The following TENM3 variants were observed in gnomAD, a reference collection of about 807,000 sequenced individuals.
The protein encoded by TENM3 is teneurin-3.
TENM3 carries 63 observed loss-of-function variants against 255.1 expected under a neutral mutation model. That is an observed-to-expected ratio of 0.25 (90% confidence interval 0.20 to 0.30). The LOEUF is 0.30. Ranked by LOEUF, TENM3 falls within the 10% of genes least tolerant of loss-of-function variation. The pLI is 1.00. For synonymous variants in TENM3, 1,306 were observed against 1,322.3 expected (o/e 0.99, Z 0.27); for missense variants, 2,929 against 3,461.1 (o/e 0.85, Z 3.86).
the TENM3 span, among the ~76,000 whole-genome samples, chr4:182,095,579 A>G: frequency 6.6e-6 from 1 of 152,198 alleles, no homozygotes; most frequent in Non-Finnish European, 1.5e-5. Flanking sequence ...GGACTGATCA[A>G]TGGATACGGA....
At chr4:181,547,583 C>T in the TENM3 span, among the ~76,000 whole-genome samples, 1 of 151,884 alleles carries the variant, frequency 6.6e-6, no homozygotes, top group Non-Finnish European at 1.5e-5. Flanking sequence ...TTTCTGAACA[C>T]CAGGAGTAAA....
At chr4:181,843,010 C>T in the TENM3 span, among the ~76,000 whole-genome samples, 3 of 152,168 alleles carry the variant, frequency 2.0e-5, no homozygotes, top group Non-Finnish European at 2.9e-5. Context: ...TTGACTAAAA[C>T]CTTCTCTTCA....
chr4:181,720,455 AC>A, the TENM3 span, among the ~76,000 whole-genome samples: 1 of 152,276 alleles, frequency 6.6e-6, no homozygotes, highest in Non-Finnish European at 1.5e-5. Flanking sequence ...GCATTTTTAT[AC>A]CATTTTTCCC....
chr4:182,391,758 G>A (rs1768440081), intron 3 of TENM3, among the ~76,000 whole-genome samples: 2 of 152,156 alleles, frequency 1.3e-5, no homozygotes, highest in African/African-American at 4.8e-5. Context: ...AATTGGCACT[G>A]GCCTGCATAA....
intron 13 of TENM3, among the ~76,000 whole-genome samples, chr4:182,715,127 G>T (rs537812483): frequency 3.3e-5 from 5 of 152,122 alleles, no homozygotes; most frequent in Non-Finnish European, 7.4e-5. Context: ...CAGGTGATCC[G>T]CCCACCTCGG....
intron 3 of TENM3, among the ~76,000 whole-genome samples, chr4:182,496,513 G>C (rs1472593605): frequency 1.1e-5 from 1 of 90,568 alleles, no homozygotes; most frequent in African/African-American, 4.1e-5. Context: ...CAGCTCAAGT[G>C]ATTTTTGTGC....
At chr4:181,820,014 G>A in the TENM3 span, 1 of 151,922 alleles carries the variant, frequency 6.6e-6, no homozygotes, top group African/African-American at 2.4e-5. Context: ...ATTAATGAAT[G>A]CAACTCTTTA....
intron 3 of TENM3, among the ~76,000 whole-genome samples, chr4:182,448,097 T>C (rs573209372): frequency 5.3e-5 from 8 of 152,334 alleles, no homozygotes; most frequent in African/African-American, 1.9e-4. Context: ...TCGGGCCACT[T>C]GCACACATGC....
the TENM3 span, among the ~76,000 whole-genome samples, chr4:181,922,028 G>T: frequency 0.14 from 21,681 of 152,018 alleles, 1,616 homozygotes; most frequent in East Asian, 0.2. Flanking sequence ...TTATATGCTG[G>T]ATTACATTTA....
chr4:182,426,098 G>A (rs150525909), intron 3 of TENM3, among the ~76,000 whole-genome samples: 25 of 150,398 alleles, frequency 1.7e-4, no homozygotes, highest in African/African-American at 5.4e-4. Flanking sequence ...TTCCCAAAAC[G>A]TTCTAAACAT....
the TENM3 span, among the ~76,000 whole-genome samples, chr4:181,449,143 T>G: frequency 6.6e-6 from 1 of 152,356 alleles, no homozygotes; most frequent in South Asian, 2.1e-4. Flanking sequence ...CACTTTATTT[T>G]TTGACTTTGT....
At chr4:181,887,706 G>A in the TENM3 span, among the ~76,000 whole-genome samples, 3 of 152,188 alleles carry the variant, frequency 2.0e-5, no homozygotes, top group Non-Finnish European at 4.4e-5. Flanking sequence ...TCAGCCTCTC[G>A]GACTCCAGGA....
chr4:182,705,129 A>C (rs1758177841), intron 12 of TENM3, among the ~76,000 whole-genome samples: 1 of 152,224 alleles, frequency 6.6e-6, no homozygotes, highest in African/African-American at 2.4e-5. Flanking sequence ...ACGCTGATTT[A>C]AACAGTTGCT....
In TENM3 at chr4:182,243,404, C is replaced by G. The variant is rs542628179; in HGVS notation, c.-148C>G. On this transcript the variant is annotated 5_prime_UTR_variant, in exon 1 of 28. It adds an upstream start codon to the 5' untranslated region. Coordinates refer to ENST00000511685, the MANE Select transcript of TENM3 (RefSeq NM_001080477.4). ...TGCTGTGATTACAGGCATGAGCCAT[C>G]GCACCTGGCCATGAAGGCTTTTAGA... The G allele has an allele frequency of 1.3e-5, 2 of 152,566 alleles. No individual in the cohort carries two copies. Among genetic ancestry groups the G allele is most frequent in the East Asian group, 3.9e-4 (2 of 5,182 alleles). 9.5% of individuals were successfully genotyped at this position (152,566 alleles called of 1,614,324 possible). A position where few individuals can be genotyped will look rare whatever the true frequency, so the allele number is the denominator to read the frequency against.
the TENM3 span, among the ~76,000 whole-genome samples, chr4:181,805,932 C>T: frequency 2.0e-5 from 3 of 152,076 alleles, no homozygotes; most frequent in Admixed American, 6.6e-5. Flanking sequence ...TCTCTTTCCC[C>T]GTAAAATAAG....
chr4:182,120,800 A>G, the TENM3 span, among the ~76,000 whole-genome samples: 2 of 152,114 alleles, frequency 1.3e-5, no homozygotes, highest in African/African-American at 4.8e-5. Flanking sequence ...AAGGGACAGC[A>G]AGCAGACCAG....
chr4:182,621,089 G>A (rs1261491860), intron 4 of TENM3, among the ~76,000 whole-genome samples: 2 of 151,792 alleles, frequency 1.3e-5, no homozygotes, highest in Admixed American at 6.6e-5. Flanking sequence ...GCTGAGGCAG[G>A]AGAATGGCGT....
At chr4:181,452,298 A>G in the TENM3 span, among the ~76,000 whole-genome samples, 1 of 152,166 alleles carries the variant, frequency 6.6e-6, no homozygotes, top group East Asian at 1.9e-4. Flanking sequence ...TTGTGAAGTA[A>G]AAGGAAATTT....
the TENM3 span, among the ~76,000 whole-genome samples, chr4:181,569,323 G>A: frequency 4.0e-5 from 6 of 150,196 alleles, no homozygotes; most frequent in African/African-American, 1.5e-4. Flanking sequence ...ATTTGACCAC[G>A]ATAAGCCTGG....
Sources: gnomAD v4.1 joint callset for allele counts (sites outside exome capture counted in the v4.1 genomes callset) on GRCh38, gnomAD v4.1.1 for gene constraint, MANE v1.5 for transcripts, NCBI Gene and HGNC (gene_info 2026-07-23, HGNC 2026-07-21) for gene names.